RADIL: variants seen among roughly 807,000 people sequenced by gnomAD.
RADIL encodes the protein ras-associating and dilute domain-containing protein.
In RADIL, 99 loss-of-function variants were observed where a neutral mutation model predicts 97.6. That is an observed-to-expected ratio of 1.01 (90% CI 0.86 to 1.20). The LOEUF (loss-of-function observed/expected upper bound fraction) is 1.20. Ranked by LOEUF, RADIL falls within the 50% of genes most tolerant of loss-of-function variation. The pLI is 0.00. For synonymous variants in RADIL, 803 were observed against 691.8 expected, an observed-to-expected ratio of 1.16 and a Z score of -2.52; for missense variants, 1,765 against 1,498.9, an observed-to-expected ratio of 1.18 and a Z score of -2.93.
chr7:4,843,353 C>T (rs1583300939), intron 2 of RADIL, among the ~76,000 whole-genome samples: 2 of 151,968 alleles, frequency 1.3e-5, no homozygotes, highest in African/African-American at 2.4e-5. Context: ...CAACCGGGGA[C>T]GCGCTGCTCA....
Position 4,824,337 on chromosome 7 carries a change from G to A in RADIL, c.1455-1783C>T, listed in dbSNP as rs994239638. 3.9e-5 allele frequency among the ~76,000 whole-genome samples: 6 copies of A among 152,336 alleles called. No individual in the cohort carries two copies. Among genetic ancestry groups the A allele is most frequent in the South Asian group, 2.1e-4 (1 of 4,832 alleles). On this transcript the variant is annotated intron_variant, in intron 5 of 14. Transcript: ENST00000399583. This position sits in a 1 kb window ranked among gnomAD's most constrained non-coding sequence, Gnocchi z 6.7. Reference sequence around the variant, plus strand: ...GGACGGCCGTCAGAGTGACCATCGCGTGCTCAGTCCCAGGTGTGTGGACCC... The same window carrying A: ...GGACGGCCGTCAGAGTGACCATCGCATGCTCAGTCCCAGGTGTGTGGACCC...
Position 4,878,002 on chromosome 7 carries a change from C to T in RADIL, c.138G>A (p.Leu46=). ...GCTCGGCGGGGTCATCGCTGGCGCC[C>T]AGGCTGGAGAAGGTGGAGTCCAGGT... is the stretch of plus-strand genomic sequence containing the variant. ...YRDLDSTFSS[L]GASDDPAELS... is the part of the protein sequence containing the mutation. The change falls in exon 2 of 15, where the codon CTG becomes CTA. Residue 46 remains leucine (L), a synonymous_variant. Transcript: ENST00000399583. This position sits in a 1 kb window ranked among gnomAD's most constrained non-coding sequence, Gnocchi z 4.1. The T allele has an allele frequency of 6.2e-7, 1 of 1,609,922 alleles. No individual in the cohort carries two copies. The highest frequency in any genetic ancestry group is 8.5e-7 in the Non-Finnish European group (1 of 1,178,986).
chr7:4,816,963 C>A (rs191649992), intron 7 of RADIL, among the ~76,000 whole-genome samples: 34 of 152,276 alleles, frequency 2.2e-4, no homozygotes, highest in African/African-American at 7.5e-4. Flanking sequence ...TCATCCCTGA[C>A]CCTCGAAATA....
At chr7:4,868,155 C>A (rs1394378878) in intron 2 of RADIL, among the ~76,000 whole-genome samples, 1 of 152,070 alleles carries the variant, frequency 6.6e-6, no homozygotes, top group African/African-American at 2.4e-5. Flanking sequence ...CTCCGCCTCC[C>A]GGGTTCATGC....
rs190795042 is a variant in RADIL, at chr7:4,876,299, T to C, written c.535+1306A>G. Among the ~76,000 whole-genome samples, 363 of 152,044 alleles carry C rather than the reference T, an allele frequency of 2.4e-3. 2 individuals carry two copies. The highest frequency in any genetic ancestry group is 8.1e-3 in the African/African-American group (338 of 41,480). ...CCACCACACCCGGCCAAATTTATTT[T>C]ATTTATTTATTTATATTTGAGACTG... On this transcript the variant is annotated intron_variant, in intron 2 of 14. Transcript: ENST00000399583.
intron 5 of RADIL, among the ~76,000 whole-genome samples, chr7:4,825,543 C>CAGGAAGAA (rs1378328789): frequency 6.6e-6 from 1 of 151,970 alleles, no homozygotes; most frequent in Non-Finnish European, 1.5e-5. Context: ...CCATCACACC[C>CAGGAAGAA]AGGAAGAAAG....
At chr7:4,810,216 T>A (rs1782501507) in intron 9 of RADIL, among the ~76,000 whole-genome samples, 1 of 152,154 alleles carries the variant, frequency 6.6e-6, no homozygotes, top group Non-Finnish European at 1.5e-5. Context: ...CAGGCTGGAG[T>A]GCAGTGGCAC....
intron 2 of RADIL, among the ~76,000 whole-genome samples, chr7:4,838,549 C>A (rs976797297): frequency 1.3e-5 from 2 of 152,182 alleles, no homozygotes; most frequent in Admixed American, 6.5e-5. Context: ...GTACCCTGCT[C>A]CTCCAGGCAA....
At chr7:4,857,787 T>A (rs1783869252) in intron 2 of RADIL, 1 of 152,638 alleles carries the variant, frequency 6.6e-6, no homozygotes, top group Non-Finnish European at 1.5e-5. Context: ...ATAAGTCATC[T>A]GTTTTCAAAA....
intron 2 of RADIL, among the ~76,000 whole-genome samples, chr7:4,838,437 T>G (rs996857894): frequency 6.6e-6 from 1 of 152,026 alleles, no homozygotes; most frequent in Non-Finnish European, 1.5e-5. Flanking sequence ...CCTCCTAGAG[T>G]CCCAGGGGCT....
rs570916823 is a variant in RADIL, at chr7:4,850,001, G to T, written c.536-13396C>A. Among the ~76,000 whole-genome samples the T allele has an allele frequency of 2.2e-3, 342 of 152,104 alleles. 1 individual carries two copies. Among genetic ancestry groups the T allele is most frequent in the African/African-American group, 7.7e-3 (318 of 41,482 alleles). On this transcript the variant is annotated intron_variant, in intron 2 of 14. Coordinates refer to ENST00000399583, the MANE Select transcript of RADIL (RefSeq NM_018059.5). The stretch of plus-strand genomic sequence containing the variant: ...ATGTAGGAATGTATGTTGCAAAATT[G>T]TTCCTAACAATCCCCAAATACATAG...
At position 4,815,332 on chromosome 7, in the gene RADIL, C is replaced by T; in HGVS notation, c.2085G>A (p.Gln695=). The T allele has an allele frequency of 6.4e-7, 1 of 1,559,034 alleles. No homozygotes were observed. Among genetic ancestry groups the T allele is most frequent in the Non-Finnish European group, 8.7e-7 (1 of 1,152,810 alleles). ...GFGAAGEHFF[Q]KLSCTLNLLA... The stretch of plus-strand genomic sequence containing the variant: ...GCAGGTTGAGGGTGCAGGAGAGCTT[C>T]TGGAAGAAGTGCTCTCCAGCCGCCC... The change falls in exon 9 of 15, where the codon CAG becomes CAA. Residue 695 remains glutamine (Q), a synonymous_variant. Coordinates refer to ENST00000399583, the MANE Select transcript of RADIL (RefSeq NM_018059.5). This position sits in a 1 kb window ranked among gnomAD's most constrained non-coding sequence, Gnocchi z 8.0.
chr7:4,801,919 G>T lies in RADIL; in HGVS notation c.2576C>A (p.Ala859Glu), dbSNP rs368650023. The T allele has an allele frequency of 1.5e-5, 24 of 1,567,432 alleles. No individual in the cohort carries two copies. In the African/African-American group the frequency reaches 3.1e-4, roughly 20 times the overall value. The change falls in exon 12 of 15, where the codon GCA becomes GAA. Residue 859 changes from alanine (A) to glutamate (E), a missense_variant. Ala to Glu is a moderately radical substitution (Grantham distance 107). Transcript: ENST00000399583. Reference sequence around the variant, plus strand: ...ACGCTCCGGGGCCACTTCCCGGGCTGCTGGGCCAGGGTCCCTGGGAGCCAG... The same window carrying T: ...ACGCTCCGGGGCCACTTCCCGGGCTTCTGGGCCAGGGTCCCTGGGAGCCAG... ...CPLAPRDPGP[A>E]AREVAPERTL...
At chr7:4,865,255 T>C (rs780795738) in intron 2 of RADIL, among the ~76,000 whole-genome samples, 1 of 152,208 alleles carries the variant, frequency 6.6e-6, no homozygotes, top group Non-Finnish European at 1.5e-5. Flanking sequence ...TAAAACAACT[T>C]GTAGTTGCAG....
At position 4,815,373 on chromosome 7, in the gene RADIL, G is replaced by C. The variant is rs749059385; in HGVS notation, c.2044C>G (p.Arg682Gly). The change falls in exon 9 of 15, where the codon CGG becomes GGG. Residue 682 changes from arginine (R) to glycine (G), a missense_variant. By Grantham distance (125) the Arg-to-Gly change is moderately radical. Coordinates refer to ENST00000399583, the MANE Select transcript of RADIL (RefSeq NM_018059.5). The surrounding 1 kb of genome is among the most constrained non-coding windows in gnomAD (Gnocchi z 8.0). ...CCAGCCGCCCCGAAGCCGGCGCTCC[G>C]CATCCACTCCAGGAGCTGCTGCAGG... is the stretch of plus-strand genomic sequence containing the variant. The part of the protein sequence containing the change: ...ARLQQLLEWM[R>G]SAGFGAAGEH... 1.3e-6 allele frequency: 2 copies of C among 1,563,024 alleles called. No individual in the cohort carries two copies. The highest frequency in any genetic ancestry group is 1.7e-6 in the Non-Finnish European group (2 of 1,154,544).
In RADIL at chr7:4,819,447, C is replaced by A. The variant is rs1466346858; in HGVS notation, c.1616-2096G>T. Among the ~76,000 whole-genome samples, 1 of 151,998 alleles carries A rather than the reference C, an allele frequency of 6.6e-6. No homozygotes were observed. The highest frequency in any genetic ancestry group is 1.5e-5 in the Non-Finnish European group (1 of 68,012). ...GGCATTTCTGAGGATTTCCGACGCC[C>A]ACGAGCCATTAAGAGGACACACCAG... On this transcript the variant is annotated intron_variant, in intron 6 of 14. Transcript: ENST00000399583. This position sits in a 1 kb window ranked among gnomAD's most constrained non-coding sequence, Gnocchi z 5.8.
chr7:4,802,120 C>T (rs1347300345), intron 11 of RADIL, 125 bp from the exon 12 acceptor site: 7 of 772,676 alleles, frequency 9.1e-6, no homozygotes, highest in South Asian at 4.1e-5. Context: ...AAAGGACTCC[C>T]GCAGCCTGTG....
intron 2 of RADIL, chr7:4,859,458 G>A (rs1419208889): frequency 1.2e-5 from 2 of 160,800 alleles, no homozygotes; most frequent in South Asian, 1.8e-4. Flanking sequence ...TAATGTAACT[G>A]TTGCTGATAC....
chr7:4,817,607 G>T lies in RADIL; in HGVS notation c.1616-256C>A, dbSNP rs1255416779. Among the ~76,000 whole-genome samples, 1 of 152,060 alleles carries T rather than the reference G, an allele frequency of 6.6e-6. No individual in the cohort carries two copies. The highest frequency in any genetic ancestry group is 1.5e-5 in the Non-Finnish European group (1 of 67,992). ...CAGACACCCAACATCTCAATGCCCA[G>T]CCCAGCCCAGCCCAAGCGCTCATTC... On this transcript the variant is annotated intron_variant, in intron 6 of 14. Transcript: ENST00000399583. This position sits in a 1 kb window ranked among gnomAD's most constrained non-coding sequence, Gnocchi z 8.3.
Sources: gnomAD v4.1 joint callset for allele counts (sites outside exome capture counted in the v4.1 genomes callset) on GRCh38, gnomAD v4.1.1 for gene constraint, Gnocchi (gnomAD v3.1) non-coding constraint, MANE v1.5 for transcripts, NCBI Gene and HGNC (gene_info 2026-07-23, HGNC 2026-07-21) for gene names.